The following TERF2 variants were observed in gnomAD, a reference collection of about 807,000 sequenced individuals.
TERF2 encodes telomeric repeat binding factor 2.
In TERF2, 16 loss-of-function variants were observed where a neutral mutation model predicts 56.1. The ratio of observed to expected loss-of-function variants is 0.29; its 90% CI spans 0.19 to 0.43. The LOEUF (loss-of-function observed/expected upper bound fraction) is 0.43, where lower values mean the gene tolerates loss of function less well. TERF2 is among the 20% of genes least tolerant of loss of function. The pLI, the probability that TERF2 is intolerant of heterozygous loss-of-function variation, is 1.00. For missense variants in TERF2, 547 were observed against 712.9 expected, an observed-to-expected ratio of 0.77 and a Z score of 2.65; for synonymous variants, 296 against 282.1, an observed-to-expected ratio of 1.05 and a Z score of -0.50.
intron 5 of TERF2, 160 bp downstream of exon 5, chr16:69,370,323 G>T (rs1188588711): frequency 2.9e-6 from 3 of 1,023,660 alleles, no homozygotes; most frequent in African/African-American, 1.6e-5. Flanking sequence ...GAGCCATTGC[G>T]CCTGGCCTGC....
Position 69,368,384 on chromosome 16 carries a change from T to C in TERF2, c.939A>G (p.Glu313=), listed in dbSNP as rs1225958820. ...APGPVEKPPR[E]PARQLRNPPT... ...AGAGAGCATCTTTTTACCTTGCGGG[T>C]TCTCTGGGTGGCTTTTCCACAGGCC... The change falls in exon 6 of 10, where the codon GAA becomes GAG. Residue 313 remains glutamate, a synonymous_variant. Transcript: ENST00000254942. 2 of 1,613,792 alleles carry C rather than the reference T, an allele frequency of 1.2e-6. No homozygotes were observed. The highest frequency in any genetic ancestry group is 1.7e-6 in the Non-Finnish European group (2 of 1,180,022).
In TERF2 at chr16:69,385,899, G is replaced by A. The variant is rs1168653234; in HGVS notation, c.73C>T (p.Pro25Ser). ...GVVRDPAASQ[P>S]RKRPGREGGE... is the part of the protein sequence containing the mutation. The stretch of plus-strand genomic sequence containing the variant: ...CCCTCCCGGCCGGGCCGCTTCCTCG[G>A]CTGTGACGCCGCTGGGTCACGCACG... The change falls in exon 1 of 10, where the codon CCG (proline) becomes TCG (serine). Residue 25 changes from proline (P) to serine (S), a missense_variant. Transcript: ENST00000254942. 1 of 1,382,958 alleles carries A rather than the reference G, an allele frequency of 7.2e-7. No homozygotes were observed. Among genetic ancestry groups the A allele is most frequent in the Admixed American group, 3.0e-5 (1 of 32,840 alleles). 85.7% of individuals were successfully genotyped at this position (1,382,958 alleles called of 1,614,324 possible). A position where few individuals can be genotyped will look rare whatever the true frequency, so the allele number is the denominator to read the frequency against.
intron 3 of TERF2, among the ~76,000 whole-genome samples, chr16:69,379,236 G>A (rs976879571): frequency 6.6e-6 from 1 of 152,172 alleles, no homozygotes; most frequent in African/African-American, 2.4e-5. Flanking sequence ...GCAAAAAGAA[G>A]CAAGGCTGTT....
chr16:69,362,866 G>A lies in TERF2; in HGVS notation c.1341-1377C>T, dbSNP rs888814229. Among the ~76,000 whole-genome samples the A allele has an allele frequency of 4.6e-5, 7 of 152,162 alleles. No homozygotes were observed. In the South Asian group the frequency reaches 1.0e-3, roughly 23 times the overall value. On this transcript the variant is annotated intron_variant, in intron 7 of 9. Transcript: ENST00000254942. ...CCCGCAAAAGTTAACCAAGAATAGA[G>A]ACAAATTTCTGTATTCTTCACCCGC... is the stretch of plus-strand genomic sequence containing the variant.
chr16:69,368,509 A>G, intron 5 of TERF2, 27 bp from the exon 6 acceptor site: 1 of 1,613,374 alleles, frequency 6.2e-7, no homozygotes, highest in Non-Finnish European at 8.5e-7. Context: ...GTCATCAGGA[A>G]GAAGAGGCCA....
intron 2 of TERF2, 171 bp from the exon 3 acceptor site, chr16:69,384,881 T>C: frequency 3.5e-6 from 2 of 568,826 alleles, no homozygotes. Context: ...AGGGTCCAAA[T>C]TCAAATCAAT....
In TERF2 at chr16:69,366,920, GTCC is replaced by G. The variant is rs762308965; in HGVS notation, c.1224_1226del (p.Glu408del). 2 of 1,614,092 alleles carry G rather than the reference GTCC, an allele frequency of 1.2e-6. No homozygotes were observed. Among genetic ancestry groups the G allele is most frequent in the African/African-American group, 2.7e-5 (2 of 74,944 alleles). The stretch of plus-strand genomic sequence containing the variant: ...CTGCGCTGGGCTCAGTACTCTGGCT[GTCC>G]TCCTCCAAGACCAATCTGCTTATTG... On this transcript the variant is annotated inframe_deletion, in exon 7 of 10. Transcript: ENST00000254942.
At chr16:69,373,927 G>A (rs927125416) in intron 3 of TERF2, among the ~76,000 whole-genome samples, 3 of 152,224 alleles carry the variant, frequency 2.0e-5, no homozygotes, top group African/African-American at 7.2e-5. Context: ...AGAATAGCAA[G>A]GAAATTCATT....
intron 3 of TERF2, among the ~76,000 whole-genome samples, chr16:69,372,716 C>T (rs189128956): frequency 1.6e-3 from 239 of 152,166 alleles, no homozygotes; most frequent in Non-Finnish European, 3.0e-3. Context: ...AAGCCGAGAT[C>T]GCGCCACTGC....
intron 3 of TERF2, among the ~76,000 whole-genome samples, chr16:69,377,701 T>C (rs2013845438): frequency 6.6e-6 from 1 of 152,242 alleles, no homozygotes; most frequent in African/African-American, 2.4e-5. Context: ...CCATTGTAAA[T>C]GGCATTGTGT....
chr16:69,384,539 A>AT, intron 3 of TERF2, 41 bp downstream of exon 3: 1 of 1,601,828 alleles, frequency 6.2e-7, no homozygotes, highest in Non-Finnish European at 8.5e-7. Context: ...AAGACCCTTG[A>AT]TTTTTGGTCA....
At position 69,367,008 on chromosome 16, in the gene TERF2, CTTTCGT is replaced by C. The variant is rs770314344; in HGVS notation, c.1133_1138del (p.Asn378_Glu379del). On this transcript the variant is annotated inframe_deletion, in exon 7 of 10. Coordinates refer to ENST00000254942, the MANE Select transcript of TERF2 (RefSeq NM_005652.5). ...ACCCTCACCGTCAGCCGGGGCTGAA[CTTTCGT>C]TTTCATCTTTTCTGGGTCTCTTGTT... 1 of 1,614,208 alleles carries C rather than the reference CTTTCGT, an allele frequency of 6.2e-7. No individual in the cohort carries two copies. Among genetic ancestry groups the C allele is most frequent in the Non-Finnish European group, 8.5e-7 (1 of 1,180,036 alleles).
At chr16:69,359,765 C>T (rs1243037950) in intron 8 of TERF2, among the ~76,000 whole-genome samples, 3 of 148,918 alleles carry the variant, frequency 2.0e-5, no homozygotes, top group Non-Finnish European at 4.4e-5. Flanking sequence ...GGACTACAGG[C>T]GCCTGCCACC....
chr16:69,361,240 A>G (rs2013126345), intron 8 of TERF2, 164 bp downstream of exon 8: 1 of 536,810 alleles, frequency 1.9e-6, no homozygotes, highest in Non-Finnish European at 3.3e-6. Context: ...TGAAAAAGGA[A>G]AAAAAAAAAA....
chr16:69,368,928 A>G (rs13330072), intron 5 of TERF2, among the ~76,000 whole-genome samples: 46,219 of 152,044 alleles, frequency 0.3, 7,798 homozygotes, highest in African/African-American at 0.42. Flanking sequence ...TGCCCGCATC[A>G]GCCTCCCATA....
chr16:69,357,543 C>G lies in TERF2; in HGVS notation c.1445G>C (p.Ser482Thr). Residue 482 changes from serine (S) to threonine (T), a missense_variant, in exon 9 of 10, where the codon AGT becomes ACT. Coordinates refer to ENST00000254942, the MANE Select transcript of TERF2 (RefSeq NM_005652.5). ...FQVQAAPDED[S>T]TTNITKKQKW... Reference sequence around the variant, plus strand: ...CTGCTTTTTTGTTATATTGGTTGTACTGTCTTCATCTGGTGCTGCTGGAAA... The same window carrying G: ...CTGCTTTTTTGTTATATTGGTTGTAGTGTCTTCATCTGGTGCTGCTGGAAA... 1 of 1,613,536 alleles carries G rather than the reference C, an allele frequency of 6.2e-7. No individual in the cohort carries two copies. The highest frequency in any genetic ancestry group is 8.5e-7 in the Non-Finnish European group (1 of 1,179,846).
intron 3 of TERF2, among the ~76,000 whole-genome samples, chr16:69,375,955 T>C (rs1012668416): frequency 2.0e-5 from 3 of 152,224 alleles, no homozygotes; most frequent in East Asian, 1.9e-4. Flanking sequence ...TCATATACTC[T>C]AGATACCAGT....
intron 8 of TERF2, 66 bp from the exon 9 acceptor site, chr16:69,357,627 G>A (rs1267355361): frequency 6.4e-7 from 1 of 1,573,314 alleles, no homozygotes; most frequent in Non-Finnish European, 8.6e-7. Context: ...ACAAGAAAAA[G>A]ACATGGAATG....
At chr16:69,381,698 C>T (rs549527375) in intron 3 of TERF2, among the ~76,000 whole-genome samples, 1 of 152,124 alleles carries the variant, frequency 6.6e-6, no homozygotes, top group South Asian at 2.1e-4. Context: ...CCAGGCTGGT[C>T]TGGAACTCCT....
Sources: allele counts gnomAD v4.1 joint callset (sites outside exome capture counted in the v4.1 genomes callset), GRCh38; gene constraint gnomAD v4.1.1; transcripts MANE v1.5; gene names NCBI Gene and HGNC (gene_info 2026-07-23, HGNC 2026-07-21).